The following TENM3 variants were observed in gnomAD, a reference collection of about 807,000 sequenced individuals.
TENM3 encodes the protein teneurin-3.
A neutral mutation model predicts 255.1 loss-of-function variants in TENM3; 63 were observed. The ratio of observed to expected loss-of-function variants is 0.25; its 90% CI spans 0.20 to 0.30. TENM3 has a LOEUF of 0.30. Among genes scored for constraint, TENM3 ranks in the 10% least tolerant of loss-of-function variants. The probability of loss-of-function intolerance (pLI) is 1.00; values close to 1 mark genes in which losing one functional copy is unlikely to be tolerated. For missense variants in TENM3, 2,929 were observed against 3,461.1 expected (o/e 0.85, Z 3.86); for synonymous variants, 1,306 against 1,322.3 (o/e 0.99, Z 0.27).
At chr4:181,808,047 G>A in the TENM3 span, among the ~76,000 whole-genome samples, 5 of 152,150 alleles carry the variant, frequency 3.3e-5, no homozygotes, top group Non-Finnish European at 7.3e-5. Flanking sequence ...TTAACAAAAG[G>A]ATGAGAACAC....
At chr4:182,531,550 A>G (rs1396087992) in intron 3 of TENM3, among the ~76,000 whole-genome samples, 2 of 152,198 alleles carry the variant, frequency 1.3e-5, no homozygotes, top group African/African-American at 4.8e-5. Context: ...TCATACTCAC[A>G]AGTAAGATTT....
At chr4:181,898,936 G>C in the TENM3 span, among the ~76,000 whole-genome samples, 1 of 152,056 alleles carries the variant, frequency 6.6e-6, no homozygotes, top group Admixed American at 6.6e-5. Context: ...TGAAGCAGTT[G>C]CTAAATTATA....
At chr4:181,779,769 T>G in the TENM3 span, among the ~76,000 whole-genome samples, 1 of 152,114 alleles carries the variant, frequency 6.6e-6, no homozygotes, top group Admixed American at 6.5e-5. Flanking sequence ...GTATATCTCC[T>G]AATGCTATTC....
At chr4:182,482,353 T>G (rs1734282341) in intron 3 of TENM3, among the ~76,000 whole-genome samples, 1 of 152,192 alleles carries the variant, frequency 6.6e-6, no homozygotes, top group Non-Finnish European at 1.5e-5. Context: ...TGTAGATTTT[T>G]TGTATGTTCC....
the TENM3 span, among the ~76,000 whole-genome samples, chr4:181,486,858 G>A: frequency 4.2e-3 from 641 of 152,190 alleles, 3 homozygotes; most frequent in African/African-American, 0.015. Flanking sequence ...AATTACATTG[G>A]CATCTGGTAC....
At position 182,681,807 on chromosome 4, in the gene TENM3, AC is replaced by A; in HGVS notation, c.1835-6del. On this transcript the variant is annotated splice_region_variant and splice_polypyrimidine_tract_variant and intron_variant, in intron 10 of 27. Coordinates refer to ENST00000511685, the MANE Select transcript of TENM3 (RefSeq NM_001080477.4). Reference sequence around the variant, plus strand: ...ATTTAATAAAATTGTTCTTTTCTTTACACCAGCTGACTGTATAGACCCTGGG... The same window carrying A: ...ATTTAATAAAATTGTTCTTTTCTTTAACCAGCTGACTGTATAGACCCTGGG... 6.2e-7 allele frequency: 1 copy of A among 1,602,186 alleles called. No homozygotes were observed. Among genetic ancestry groups the A allele is most frequent in the South Asian group, 1.1e-5 (1 of 89,696 alleles).
intron 12 of TENM3, among the ~76,000 whole-genome samples, chr4:182,690,801 A>AAACAGGATT (rs1413634532): frequency 6.6e-6 from 1 of 152,256 alleles, no homozygotes; most frequent in Non-Finnish European, 1.5e-5. Flanking sequence ...GTTTAGGAAC[A>AAACAGGATT]AACAGGATTT....
chr4:182,002,448 A>T, the TENM3 span, among the ~76,000 whole-genome samples: 2 of 151,930 alleles, frequency 1.3e-5, no homozygotes, highest in Non-Finnish European at 2.9e-5. Context: ...CAGACTCTTC[A>T]TTAAGTCTAG....
At chr4:182,530,722 A>G (rs1739696137) in intron 3 of TENM3, among the ~76,000 whole-genome samples, 1 of 152,220 alleles carries the variant, frequency 6.6e-6, no homozygotes, top group Non-Finnish European at 1.5e-5. Context: ...GCATAGTTGC[A>G]GAGAAATGGA....
At chr4:182,744,299 T>A in intron 19 of TENM3, 1 of 402,762 alleles carries the variant, frequency 2.5e-6, no homozygotes, top group Non-Finnish European at 3.4e-6. Flanking sequence ...TCGAAGGAAT[T>A]AAAAGTGCTT....
chr4:182,415,405 A>T (rs765689433), intron 3 of TENM3, among the ~76,000 whole-genome samples: 17 of 152,306 alleles, frequency 1.1e-4, no homozygotes, highest in Non-Finnish European at 2.4e-4. Flanking sequence ...GTACTCTCTG[A>T]AATTATTTTG....
At chr4:181,659,245 G>T in the TENM3 span, among the ~76,000 whole-genome samples, 4 of 152,120 alleles carry the variant, frequency 2.6e-5, no homozygotes, top group African/African-American at 9.7e-5. Flanking sequence ...TGTTGCTGTT[G>T]TTATTGTTAT....
intron 1 of TENM3, among the ~76,000 whole-genome samples, chr4:182,199,054 A>T (rs1222751612): frequency 2.0e-5 from 3 of 152,252 alleles, no homozygotes. Flanking sequence ...TATAGTTTAG[A>T]TAGTGTTGGG....
chr4:182,801,347 C>T lies in TENM3; in HGVS notation c.*996C>T, dbSNP rs35388128. The T allele has an allele frequency of 0.048, 7,335 of 152,268 alleles. 287 individuals carry two copies. Among genetic ancestry groups the T allele is most frequent in the Non-Finnish European group, 0.072 (4,881 of 68,006 alleles). 9.4% of individuals were successfully genotyped at this position (152,268 alleles called of 1,614,324 possible). A position where few individuals can be genotyped will look rare whatever the true frequency, so the allele number is the denominator to read the frequency against. Reference sequence around the variant, plus strand: ...GCGAATCAGAGAGCTCCTTTCTCTTCCCTCTCTCACGCATCAGGCCAGTGT... The same window carrying T: ...GCGAATCAGAGAGCTCCTTTCTCTTTCCTCTCTCACGCATCAGGCCAGTGT... On this transcript the variant is annotated 3_prime_UTR_variant, in exon 28 of 28. Coordinates refer to ENST00000511685, the MANE Select transcript of TENM3 (RefSeq NM_001080477.4).
chr4:181,912,782 A>G, the TENM3 span, among the ~76,000 whole-genome samples: 1 of 152,052 alleles, frequency 6.6e-6, no homozygotes, highest in African/African-American at 2.4e-5. Flanking sequence ...AAAAAAAAAA[A>G]AAAAAGATTG....
At chr4:181,570,817 G>A in the TENM3 span, among the ~76,000 whole-genome samples, 1 of 152,168 alleles carries the variant, frequency 6.6e-6, no homozygotes, top group African/African-American at 2.4e-5. Flanking sequence ...TTTACTGGAG[G>A]CAACACCTGT....
upstream of TENM3, among the ~76,000 whole-genome samples, chr4:182,240,759 A>G (rs56035906): frequency 0.039 from 5,951 of 152,190 alleles, 167 homozygotes; most frequent in South Asian, 0.05. Context: ...CTGTCCACCC[A>G]GAGAGCCTGG....
chr4:181,727,878 T>C, the TENM3 span, among the ~76,000 whole-genome samples: 1 of 152,214 alleles, frequency 6.6e-6, no homozygotes, highest in Admixed American at 6.5e-5. Context: ...AGTCCTAATG[T>C]TACTTTCAGA....
At chr4:181,639,270 T>G in the TENM3 span, among the ~76,000 whole-genome samples, 1 of 152,154 alleles carries the variant, frequency 6.6e-6, no homozygotes, top group Non-Finnish European at 1.5e-5. Flanking sequence ...GCATATTGAC[T>G]TAAGAGATAT....
Sources: allele counts gnomAD v4.1 joint callset (sites outside exome capture counted in the v4.1 genomes callset), GRCh38; gene constraint gnomAD v4.1.1; transcripts MANE v1.5; gene names NCBI Gene and HGNC (gene_info 2026-07-23, HGNC 2026-07-21).